Variants in ATXN1L observed in about 807,000 individuals in gnomAD.
ATXN1L encodes ataxin-1-like.
In ATXN1L, 8 loss-of-function variants were observed where a neutral mutation model predicts 43.4. That is an observed-to-expected ratio of 0.18 (90% CI 0.11 to 0.33). ATXN1L has a LOEUF of 0.33. Among genes scored for constraint, ATXN1L ranks in the 10% least tolerant of loss-of-function variants. The pLI, the probability that ATXN1L is intolerant of heterozygous loss-of-function variation, is 1.00. For missense variants in ATXN1L, 856 were observed against 885.4 expected (o/e 0.97, Z 0.42); for synonymous variants, 379 against 360.6 (o/e 1.05, Z -0.58).
chr16:71,851,293 G>T lies in ATXN1L; in HGVS notation c.1553G>T (p.Trp518Leu). Residue 518 changes from tryptophan (W) to leucine (L), a missense_variant, in exon 3 of 3, where the codon TGG becomes TTG. This residue lies in a region of ATXN1L where 54 missense variants were observed against 56.6 expected (regional missense o/e 0.95). Transcript: ENST00000427980. The surrounding 1 kb of genome is among the most constrained non-coding windows in gnomAD (Gnocchi z 4.9). ...STVVDIQESQ[W>L]PGFVMLHFVV... is the part of the protein sequence containing the mutation. ...GTCGTGGACATTCAGGAGAGCCAATGGCCTGGATTTGTCATGCTGCATTTT... is the reference window on the plus strand; with the variant it reads ...GTCGTGGACATTCAGGAGAGCCAATTGCCTGGATTTGTCATGCTGCATTTT... The T allele has an allele frequency of 6.4e-7, 1 of 1,551,684 alleles. No individual in the cohort carries two copies. Among genetic ancestry groups the T allele is most frequent in the Non-Finnish European group, 8.7e-7 (1 of 1,146,992 alleles).
rs903827656 is a variant in ATXN1L, at chr16:71,853,942, G to A, written c.*2132G>A. On this transcript the variant is annotated 3_prime_UTR_variant, in exon 3 of 3. Coordinates refer to ENST00000427980, the MANE Select transcript of ATXN1L (RefSeq NM_001137675.4). ...TCCCCTTCTCTGTCCCCCATTCTCT[G>A]AATGCTGCTTTCTCTGGCTTGTTTC... 3.6e-5 allele frequency: 6 copies of A among 167,282 alleles called. No homozygotes were observed. Among genetic ancestry groups the A allele is most frequent in the Admixed American group, 1.3e-4 (2 of 15,292 alleles). The allele number at this position is 167,282 out of a possible 1,614,324, so 10.4% of individuals were successfully genotyped here.
In ATXN1L at chr16:71,851,983, C is replaced by G; in HGVS notation, c.*173C>G. 1 of 696,314 alleles carries G rather than the reference C, an allele frequency of 1.4e-6. No homozygotes were observed. The highest frequency in any genetic ancestry group is 2.1e-6 in the Non-Finnish European group (1 of 466,708). 43.1% of individuals were successfully genotyped at this position (696,314 alleles called of 1,614,324 possible). A position where few individuals can be genotyped will look rare whatever the true frequency, so the allele number is the denominator to read the frequency against. On this transcript the variant is annotated 3_prime_UTR_variant, in exon 3 of 3. Transcript: ENST00000427980. The surrounding 1 kb of genome is among the most constrained non-coding windows in gnomAD (Gnocchi z 4.9). Reference sequence around the variant, plus strand: ...AAGGCAGGATCTGTTGTTCATTACCCCATGGCATCCTTTCAGGACAACCCC... The same window carrying G: ...AAGGCAGGATCTGTTGTTCATTACCGCATGGCATCCTTTCAGGACAACCCC...
intron 1 of ATXN1L, 71 bp from the exon 2 acceptor site, chr16:71,847,939 C>T (rs2033460298): frequency 2.3e-6 from 1 of 443,040 alleles, no homozygotes; most frequent in East Asian, 7.0e-5. Flanking sequence ...TTGGAATTAC[C>T]TTTCATGGTG....
rs2033483964 is a variant in ATXN1L at position 71,850,238 on chromosome 16, T to A, written c.498T>A (p.Leu166=). Residue 166 remains leucine, a synonymous_variant, in exon 3 of 3, where the codon CTT becomes CTA. Transcript: ENST00000427980. ...PSPLLSPSAN[L]ATSHLPHFVP... ...CCCTCCTATCTCCTTCTGCCAACCT[T>A]GCCACCTCTCACCTTCCACACTTTG... 6.4e-7 allele frequency: 1 copy of A among 1,551,510 alleles called. No homozygotes were observed. The highest frequency in any genetic ancestry group is 1.4e-5 in the African/African-American group (1 of 72,988).
At position 71,854,015 on chromosome 16, in the gene ATXN1L, GAGA is replaced by G. The variant is rs960791361; in HGVS notation, c.*2208_*2210del. The stretch of plus-strand genomic sequence containing the variant: ...TGAGTCTTGAGGAATCCCCTCAAAT[GAGA>G]AGGCCTTGGGAGAAGGCCTCATCTC... On this transcript the variant is annotated 3_prime_UTR_variant, in exon 3 of 3. Transcript: ENST00000427980. 2.4e-5 allele frequency: 4 copies of G among 167,116 alleles called. No individual in the cohort carries two copies. Among genetic ancestry groups the G allele is most frequent in the Non-Finnish European group, 5.9e-5 (4 of 68,140 alleles). 10.4% of individuals were successfully genotyped at this position (167,116 alleles called of 1,614,324 possible).
Position 71,851,042 on chromosome 16 carries a change from G to A in ATXN1L, c.1302G>A (p.Ser434=), listed in dbSNP as rs1194243332. The part of the protein sequence containing the change: ...GTDSGLLPVG[S]EILVASSLDV... The stretch of plus-strand genomic sequence containing the variant: ...ACTCAGGCCTGCTGCCTGTGGGCTC[G>A]GAGATCCTGGTAGCATCAAGTCTGG... Residue 434 remains serine (S), a synonymous_variant, in exon 3 of 3, where the codon TCG becomes TCA. Coordinates refer to ENST00000427980, the MANE Select transcript of ATXN1L (RefSeq NM_001137675.4). This position sits in a 1 kb window ranked among gnomAD's most constrained non-coding sequence, Gnocchi z 4.9. 7.1e-6 allele frequency: 11 copies of A among 1,551,662 alleles called. No homozygotes were observed. Among genetic ancestry groups the A allele is most frequent in the South Asian group, 1.2e-5 (1 of 84,058 alleles).
rs530321566 is a variant in ATXN1L, at chr16:71,853,188, A to G, written c.*1378A>G. On this transcript the variant is annotated 3_prime_UTR_variant, in exon 3 of 3. Coordinates refer to ENST00000427980, the MANE Select transcript of ATXN1L (RefSeq NM_001137675.4). The stretch of plus-strand genomic sequence containing the variant: ...TGATAACATTTCAGTACCTGAATAG[A>G]TGTCATTTTGTGTTGGTATATTCCT... 26 of 166,366 alleles carry G rather than the reference A, an allele frequency of 1.6e-4. No homozygotes were observed. The highest frequency in any genetic ancestry group is 6.0e-4 in the African/African-American group (25 of 41,556). The allele number at this position is 166,366 out of a possible 1,614,324, so 10.3% of individuals were successfully genotyped here. A position where few individuals can be genotyped will look rare whatever the true frequency, so the allele number is the denominator to read the frequency against.
chr16:71,846,871 G>C (rs2033449016), intron 1 of ATXN1L, among the ~76,000 whole-genome samples: 1 of 152,100 alleles, frequency 6.6e-6, no homozygotes, highest in South Asian at 2.1e-4. Context: ...CGGTGACCTG[G>C]AGGCAGGTTT....
rs574893300 is a variant in ATXN1L at position 71,853,302 on chromosome 16, A to G, written c.*1492A>G. On this transcript the variant is annotated 3_prime_UTR_variant, in exon 3 of 3. Transcript: ENST00000427980. ...ATCCCACATTTTCTTCACAACTTTTAGCATCAGCTCAGACCGTGGGGTTCC... is the reference window on the plus strand; with the variant it reads ...ATCCCACATTTTCTTCACAACTTTTGGCATCAGCTCAGACCGTGGGGTTCC... 6.0e-6 allele frequency: 1 copy of G among 166,826 alleles called. No homozygotes were observed. The highest frequency in any genetic ancestry group is 6.6e-5 in the Admixed American group (1 of 15,242). The allele number at this position is 166,826 out of a possible 1,614,324, so 10.3% of individuals were successfully genotyped here.
chr16:71,848,478 T>C (rs746903069), intron 2 of ATXN1L: 3 of 156,308 alleles, frequency 1.9e-5, no homozygotes, highest in African/African-American at 7.2e-5. Context: ...AAATTGAAGG[T>C]GATCATTGAG....
rs768102886 is a variant in ATXN1L, at chr16:71,850,224, CCTT to C, written c.487_489del (p.Ser163del). On this transcript the variant is annotated inframe_deletion, in exon 3 of 3. Transcript: ENST00000427980. ...TTTCCTACCGAGTCCCCTCCTATCTCCTTCTGCCAACCTTGCCACCTCTCACCT... is the reference window on the plus strand; with the variant it reads ...TTTCCTACCGAGTCCCCTCCTATCTCCTGCCAACCTTGCCACCTCTCACCT... The C allele has an allele frequency of 7.0e-5, 108 of 1,551,722 alleles. No homozygotes were observed. The South Asian group carries it at 1.2e-3, about 17-fold the overall frequency.
Position 71,850,855 on chromosome 16 carries a change from A to G in ATXN1L, c.1115A>G (p.His372Arg), listed in dbSNP as rs1281595862. 3.9e-6 allele frequency: 6 copies of G among 1,551,678 alleles called. No individual in the cohort carries two copies. Among genetic ancestry groups the G allele is most frequent in the Admixed American group, 3.9e-5 (2 of 50,996 alleles). ...PLNLSHHTPDHQGEGRGSARN... is the reference protein window; with the variant it reads ...PLNLSHHTPDRQGEGRGSARN... ...AACCTATCCCATCATACCCCCGACC[A>G]TCAGGGTGAGGGGCGAGGGTCAGCC... The change falls in exon 3 of 3, where the codon CAT (histidine) becomes CGT (arginine). Residue 372 changes from histidine to arginine, a missense_variant. Coordinates refer to ENST00000427980, the MANE Select transcript of ATXN1L (RefSeq NM_001137675.4).
At chr16:71,848,106 A>G (rs1416431479) in intron 2 of ATXN1L, 35 bp downstream of exon 2, 2 of 455,190 alleles carry the variant, frequency 4.4e-6, no homozygotes, top group South Asian at 3.1e-5. Flanking sequence ...TGTTTCAGGA[A>G]AATATCTGGG....
At chr16:71,847,697 G>T (rs2033457531) in intron 1 of ATXN1L, among the ~76,000 whole-genome samples, 1 of 152,080 alleles carries the variant, frequency 6.6e-6, no homozygotes, top group Non-Finnish European at 1.5e-5. Flanking sequence ...CTGAAATTTG[G>T]ATTGGAGCAA....
chr16:71,855,466 G>A lies in ATXN1L; in HGVS notation c.*3656G>A, dbSNP rs1319128434. On this transcript the variant is annotated 3_prime_UTR_variant, in exon 3 of 3. Transcript: ENST00000427980. ...TCCAGTTAGGTGGATTCTGGAGTTC[G>A]GAGAGGGTTTAAAGTTTGGCTGAAA... 2 of 167,126 alleles carry A rather than the reference G, an allele frequency of 1.2e-5. No individual in the cohort carries two copies. The highest frequency in any genetic ancestry group is 1.9e-4 in the East Asian group (1 of 5,204). The allele number at this position is 167,126 out of a possible 1,614,324, so 10.4% of individuals were successfully genotyped here.
In ATXN1L at chr16:71,850,220, A is replaced by G. The variant is rs1452381647; in HGVS notation, c.480A>G (p.Leu160=). 15 of 1,551,372 alleles carry G rather than the reference A, an allele frequency of 9.7e-6. No individual in the cohort carries two copies. The highest frequency in any genetic ancestry group is 7.1e-5 in the South Asian group (6 of 84,056). ...CTAATTTCCTACCGAGTCCCCTCCT[A>G]TCTCCTTCTGCCAACCTTGCCACCT... is the stretch of plus-strand genomic sequence containing the variant. The part of the protein sequence containing the change: ...VPPNFLPSPL[L]SPSANLATSH... Residue 160 remains leucine, a synonymous_variant, in exon 3 of 3, where the codon CTA becomes CTG. Transcript: ENST00000427980.
At position 71,853,603 on chromosome 16, in the gene ATXN1L, A is replaced by G. The variant is rs537207555; in HGVS notation, c.*1793A>G. 1.8e-5 allele frequency: 3 copies of G among 166,922 alleles called. No individual in the cohort carries two copies. In the East Asian group the frequency reaches 5.8e-4, roughly 32 times the overall value. The allele number at this position is 166,922 out of a possible 1,614,324, so 10.3% of individuals were successfully genotyped here. A position where few individuals can be genotyped will look rare whatever the true frequency, so the allele number is the denominator to read the frequency against. On this transcript the variant is annotated 3_prime_UTR_variant, in exon 3 of 3. Transcript: ENST00000427980. ...AAGTCTCGTGACCTCTGGCTCTTTC[A>G]CTTCCTCCCCACCTGCCAAATGGGG...
rs1315056758 is a variant in ATXN1L, at chr16:71,856,822, C to T, written c.*5012C>T. The stretch of plus-strand genomic sequence containing the variant: ...GGAGAAAGGATGGGAATGTTGTCAT[C>T]CAGGTGGCTTTAGGGTCCTAAGGAG... On this transcript the variant is annotated 3_prime_UTR_variant, in exon 3 of 3. Coordinates refer to ENST00000427980, the MANE Select transcript of ATXN1L (RefSeq NM_001137675.4). The T allele has an allele frequency of 6.0e-6, 1 of 167,102 alleles. No individual in the cohort carries two copies. Among genetic ancestry groups the T allele is most frequent in the Non-Finnish European group, 1.5e-5 (1 of 68,212 alleles). The allele number at this position is 167,102 out of a possible 1,614,324, so 10.4% of individuals were successfully genotyped here. A position where few individuals can be genotyped will look rare whatever the true frequency, so the allele number is the denominator to read the frequency against.
intron 2 of ATXN1L, among the ~76,000 whole-genome samples, chr16:71,849,074 C>T (rs1158127855): frequency 6.6e-6 from 1 of 151,780 alleles, no homozygotes; most frequent in South Asian, 2.1e-4. Flanking sequence ...GTTAGCCAGG[C>T]GTGGTGGTGC....
Sources: allele counts gnomAD v4.1 joint callset (sites outside exome capture counted in the v4.1 genomes callset), GRCh38; gene constraint gnomAD v4.1.1; regional missense constraint gnomAD v4.1.1; non-coding constraint Gnocchi (gnomAD v3.1); transcripts MANE v1.5; gene names NCBI Gene and HGNC (gene_info 2026-07-23, HGNC 2026-07-21).